SPIRE1: variants seen among roughly 807,000 people sequenced by gnomAD.
SPIRE1 encodes the protein protein spire homolog 1.
Under a neutral mutation model 94.1 loss-of-function variants are expected in SPIRE1, and 40 were observed. That is an observed-to-expected ratio of 0.43 (90% confidence interval 0.33 to 0.55). The LOEUF is 0.55. Among genes scored for constraint, SPIRE1 ranks in the 20% least tolerant of loss-of-function variants. The pLI is 0.06. For synonymous variants in SPIRE1, 376 were observed against 371.7 expected (o/e 1.01, Z -0.13); for missense variants, 838 against 975.2 (o/e 0.86, Z 1.87).
chr18:12,652,287 G>A (rs1334107137), intron 1 of SPIRE1, among the ~76,000 whole-genome samples: 2 of 152,152 alleles, frequency 1.3e-5, no homozygotes, highest in Non-Finnish European at 2.9e-5. Flanking sequence ...TATACAAAGA[G>A]CCTGCGTGTC....
chr18:12,467,483 C>A (rs917509228), intron 10 of SPIRE1, among the ~76,000 whole-genome samples: 1 of 152,120 alleles, frequency 6.6e-6, no homozygotes, highest in African/African-American at 2.4e-5. Context: ...GAAATAAAAG[C>A]AGAGAGTGTC....
chr18:12,480,305 T>C (rs2032791444), intron 9 of SPIRE1, among the ~76,000 whole-genome samples: 1 of 152,210 alleles, frequency 6.6e-6, no homozygotes, highest in Non-Finnish European at 1.5e-5. Context: ...GCTAATAATC[T>C]ATATTCATAT....
At chr18:12,476,741 C>T (rs930000748) in intron 10 of SPIRE1, among the ~76,000 whole-genome samples, 1 of 150,530 alleles carries the variant, frequency 6.6e-6, no homozygotes, top group Non-Finnish European at 1.5e-5. Context: ...TAAGGCATTC[C>T]CACATTTAAT....
Position 12,461,517 on chromosome 18 carries a change from CATAT to C in SPIRE1, c.1638+1830_1638+1833del, listed in dbSNP as rs1189830773. On this transcript the variant is annotated intron_variant, in intron 12 of 16. Transcript: ENST00000409402. ...ATGCACGTACATATGTACGTACATA[CATAT>C]GTGTGGTATGTACGTACATATGTAT... Among the ~76,000 whole-genome samples the C allele has an allele frequency of 7.0e-5, 9 of 128,544 alleles. No homozygotes were observed. The East Asian group carries it at 1.9e-3, about 27-fold the overall frequency. The allele number at this position is 128,544 out of a possible 152,430, so 84.3% of individuals were successfully genotyped here.
intron 4 of SPIRE1, among the ~76,000 whole-genome samples, chr18:12,529,536 G>A (rs1234343856): frequency 6.6e-6 from 1 of 152,114 alleles, no homozygotes; most frequent in Non-Finnish European, 1.5e-5. Context: ...AAGAAACTAA[G>A]CACCGCAGGT....
At chr18:12,507,867 C>A (rs975795874) in intron 5 of SPIRE1, among the ~76,000 whole-genome samples, 3 of 152,120 alleles carry the variant, frequency 2.0e-5, no homozygotes, top group Non-Finnish European at 2.9e-5. Context: ...AGTGACATGG[C>A]TGAGCGCAGT....
chr18:12,512,499 G>C lies in SPIRE1; in HGVS notation c.762C>G (p.Ser254Arg), dbSNP rs749083073. ...CTTCCAAGTCTGTGCTAGATTCATC[G>C]CTCTTTTCCATTTCTTGAATCTTCT... is the stretch of plus-strand genomic sequence containing the variant. ...NLKKIQEMEK[S>R]DESSTDLEEL... is the part of the protein sequence containing the mutation. The change falls in exon 5 of 17, where the codon AGC becomes AGG. Residue 254 changes from serine (S) to arginine (R), a missense_variant. By Grantham distance (110) the Ser-to-Arg change is moderately radical. Coordinates refer to ENST00000409402, the MANE Select transcript of SPIRE1 (RefSeq NM_001128626.2). 1 of 1,611,622 alleles carries C rather than the reference G, an allele frequency of 6.2e-7. No homozygotes were observed. Among genetic ancestry groups the C allele is most frequent in the Non-Finnish European group, 8.5e-7 (1 of 1,178,462 alleles).
chr18:12,550,172 C>T (rs947073196), intron 2 of SPIRE1, among the ~76,000 whole-genome samples: 1 of 152,142 alleles, frequency 6.6e-6, no homozygotes. Flanking sequence ...ACCCCTCATA[C>T]CCTCCAGTGC....
intron 2 of SPIRE1, among the ~76,000 whole-genome samples, chr18:12,555,269 C>T (rs1001403041): frequency 2.0e-5 from 3 of 149,362 alleles, no homozygotes; most frequent in Non-Finnish European, 4.4e-5. Flanking sequence ...ATCCCTGGCA[C>T]TTTGGCAACA....
chr18:12,603,479 T>C (rs2036892454), intron 2 of SPIRE1, among the ~76,000 whole-genome samples: 1 of 151,998 alleles, frequency 6.6e-6, no homozygotes, highest in Admixed American at 6.5e-5. Flanking sequence ...GGCTGGTCAC[T>C]AGAAAGATGA....
At chr18:12,654,618 A>G (rs1318850154) in intron 1 of SPIRE1, among the ~76,000 whole-genome samples, 3 of 150,770 alleles carry the variant, frequency 2.0e-5, no homozygotes, top group Non-Finnish European at 3.0e-5. Context: ...TCGCGCCACC[A>G]CACTCCAGCC....
intron 2 of SPIRE1, among the ~76,000 whole-genome samples, chr18:12,604,489 A>G (rs1180949244): frequency 6.6e-6 from 1 of 152,180 alleles, no homozygotes; most frequent in Non-Finnish European, 1.5e-5. Context: ...TGTATTTTTC[A>G]TCAAATTTTC....
intron 2 of SPIRE1, among the ~76,000 whole-genome samples, chr18:12,596,476 T>C (rs1164208494): frequency 1.3e-5 from 2 of 152,084 alleles, no homozygotes; most frequent in Non-Finnish European, 2.9e-5. Flanking sequence ...ACCTCTATTA[T>C]ACAGAAAATT....
At chr18:12,631,548 CAAAAAAAAAAAAA>C (rs869278182) in intron 2 of SPIRE1, among the ~76,000 whole-genome samples, 3 of 63,792 alleles carry the variant, frequency 4.7e-5, no homozygotes, top group Non-Finnish European at 8.2e-5. Context: ...CCCATCTCTA[CAAAAAAAAAAAAA>C]AAAAAAAAAA....
chr18:12,605,706 G>A (rs1325609200), intron 2 of SPIRE1, among the ~76,000 whole-genome samples: 1 of 152,058 alleles, frequency 6.6e-6, no homozygotes, highest in African/African-American at 2.4e-5. Flanking sequence ...CATATTATCT[G>A]CTACTTGAAT....
In SPIRE1 at chr18:12,509,262, G is replaced by A. The variant is rs558026509; in HGVS notation, c.808-2621C>T. On this transcript the variant is annotated intron_variant, in intron 5 of 16. Transcript: ENST00000409402. ...TATGAGGAGGAAGCTGGTGATCTAC[G>A]CAAATATAACTCCCTCTGGAGTTAG... 3.3e-5 allele frequency among the ~76,000 whole-genome samples: 5 copies of A among 152,248 alleles called. No homozygotes were observed. The East Asian group carries it at 5.8e-4, about 18-fold the overall frequency.
rs183052537 is a variant in SPIRE1 at position 12,489,753 on chromosome 18, C to A, written c.1189+3319G>T. 3.3e-5 allele frequency among the ~76,000 whole-genome samples: 5 copies of A among 152,282 alleles called. No individual in the cohort carries two copies. The South Asian group carries it at 8.3e-4, about 25-fold the overall frequency. On this transcript the variant is annotated intron_variant, in intron 8 of 16. Coordinates refer to ENST00000409402, the MANE Select transcript of SPIRE1 (RefSeq NM_001128626.2). ...TTAATGACATAGGAAGATGGTCATG[C>A]CAAATAAACCATTAGATGCAGATAA... is the stretch of plus-strand genomic sequence containing the variant.
In SPIRE1 at chr18:12,559,410, C is replaced by T. The variant is rs569624268; in HGVS notation, c.373-12506G>A. 2.0e-4 allele frequency among the ~76,000 whole-genome samples: 30 copies of T among 152,290 alleles called. No homozygotes were observed. Among genetic ancestry groups the T allele is most frequent in the African/African-American group, 4.8e-4 (20 of 41,574 alleles). ...CTGGCCGGGCGAGACTGCACCCACC[C>T]GGAACTCGTGCTGGCCTGCGAACAC... On this transcript the variant is annotated intron_variant, in intron 2 of 16. Coordinates refer to ENST00000409402, the MANE Select transcript of SPIRE1 (RefSeq NM_001128626.2). The surrounding 1 kb of genome is among the most constrained non-coding windows in gnomAD (Gnocchi z 4.7).
intron 4 of SPIRE1, among the ~76,000 whole-genome samples, chr18:12,525,457 A>G (rs186840516): frequency 1.0e-3 from 158 of 151,898 alleles, no homozygotes; most frequent in African/African-American, 3.6e-3. Flanking sequence ...ATTTTTTAAA[A>G]TATCAATATT....
Sources: allele counts gnomAD v4.1 joint callset (sites outside exome capture counted in the v4.1 genomes callset), GRCh38; gene constraint gnomAD v4.1.1; non-coding constraint Gnocchi (gnomAD v3.1); transcripts MANE v1.5; gene names NCBI Gene and HGNC (gene_info 2026-07-23, HGNC 2026-07-21).